The following TMEM232 variants were observed in gnomAD, a reference collection of about 807,000 sequenced individuals.
TMEM232 encodes transmembrane protein 232.
A neutral mutation model predicts 78.8 loss-of-function variants in TMEM232; 80 were observed. That is an observed-to-expected ratio of 1.01 (90% CI 0.85 to 1.22). TMEM232 has a LOEUF of 1.22. Among genes scored for constraint, TMEM232 ranks in the 50% most tolerant of loss-of-function variants. TMEM232 has a pLI of 0.00. For missense variants in TMEM232, 881 were observed against 742.2 expected, an observed-to-expected ratio of 1.19 and a Z score of -2.17; for synonymous variants, 297 against 254.3, an observed-to-expected ratio of 1.17 and a Z score of -1.60.
At chr5:110,489,842 T>C (rs1764836963) in intron 12 of TMEM232, among the ~76,000 whole-genome samples, 1 of 151,978 alleles carries the variant, frequency 6.6e-6, no homozygotes, top group African/African-American at 2.4e-5. Flanking sequence ...CTTAATTGTA[T>C]TGGCTGGGTT....
intron 1 of TMEM232, among the ~76,000 whole-genome samples, chr5:110,680,643 A>G (rs891366629): frequency 2.6e-5 from 4 of 152,134 alleles, no homozygotes; most frequent in Admixed American, 6.5e-5. Context: ...CTTCTCTAAA[A>G]AGAAGCTACA....
At chr5:110,422,601 T>C (rs1231826978) in intron 13 of TMEM232, among the ~76,000 whole-genome samples, 3 of 148,254 alleles carry the variant, frequency 2.0e-5, no homozygotes, top group Non-Finnish European at 4.5e-5. Context: ...CAAATTAAAA[T>C]TCTTGGTTTG....
Position 110,642,274 on chromosome 5 carries a change from T to C in TMEM232, c.223A>G (p.Ile75Val). 1 of 1,536,550 alleles carries C rather than the reference T, an allele frequency of 6.5e-7. No homozygotes were observed. Among genetic ancestry groups the C allele is most frequent in the Non-Finnish European group, 8.8e-7 (1 of 1,140,562 alleles). The change falls in exon 3 of 14, where the codon ATT becomes GTT. Residue 75 changes from isoleucine to valine, a missense_variant. Coordinates refer to ENST00000455884, the MANE Select transcript of TMEM232 (RefSeq NM_001039763.4). ...TATGCCATTACCTTACATCTGAGAATGATTTTTCTAGCTAGTTCCAACAAT... is the reference window on the plus strand; with the variant it reads ...TATGCCATTACCTTACATCTGAGAACGATTTTTCTAGCTAGTTCCAACAAT... The part of the protein sequence containing the change: ...EELLELARKI[I>V]LRCKRKLGLK...
At chr5:110,526,639 C>A (rs61234285) in intron 12 of TMEM232, among the ~76,000 whole-genome samples, 2 of 151,860 alleles carry the variant, frequency 1.3e-5, no homozygotes, top group African/African-American at 2.4e-5. Flanking sequence ...CTGAAAGGCA[C>A]TGGAAATATG....
chr5:110,587,489 A>G (rs547845685), intron 10 of TMEM232, among the ~76,000 whole-genome samples: 1 of 151,984 alleles, frequency 6.6e-6, no homozygotes, highest in South Asian at 2.1e-4. Context: ...TTTGTTGTGC[A>G]CAAACCTGAC....
intron 8 of TMEM232, among the ~76,000 whole-genome samples, chr5:110,615,665 T>C (rs1337553135): frequency 6.6e-6 from 1 of 151,910 alleles, no homozygotes; most frequent in Non-Finnish European, 1.5e-5. Flanking sequence ...AAAAAAGTCA[T>C]CTAAACAGGA....
Position 110,441,939 on chromosome 5 carries a change from T to C in TMEM232, c.1704-17023A>G, listed in dbSNP as rs138046262. On this transcript the variant is annotated intron_variant, in intron 12 of 13. Coordinates refer to ENST00000455884, the MANE Select transcript of TMEM232 (RefSeq NM_001039763.4). ...TTTTTCCTTTAGCACTTTAAACATG[T>C]CATGCCACTCTCTCCTGGCCTGTAA... 6.3e-3 allele frequency among the ~76,000 whole-genome samples: 964 copies of C among 152,206 alleles called. 17 individuals are homozygous for C. The highest frequency in any genetic ancestry group is 0.022 in the African/African-American group (895 of 41,542).
chr5:110,721,103 G>T (rs72773182), intron 1 of TMEM232, among the ~76,000 whole-genome samples: 1 of 151,806 alleles, frequency 6.6e-6, no homozygotes, highest in Non-Finnish European at 1.5e-5. Flanking sequence ...AGTTATTCCC[G>T]GTAAAGTTAT....
chr5:110,538,542 C>G (rs1054745418), intron 11 of TMEM232, among the ~76,000 whole-genome samples: 1 of 152,134 alleles, frequency 6.6e-6, no homozygotes, highest in African/African-American at 2.4e-5. Flanking sequence ...GAACAATGAG[C>G]ATTGGGCAAA....
In TMEM232 at chr5:110,618,247, C is replaced by T. The variant is rs776825222; in HGVS notation, c.902+182G>A. Among the ~76,000 whole-genome samples, 12 of 151,730 alleles carry T rather than the reference C, an allele frequency of 7.9e-5. 1 individual carries two copies. Among genetic ancestry groups the T allele is most frequent in the African/African-American group, 1.9e-4 (8 of 41,334 alleles). ...CTAGCAAAGCAGAAAAAGAGAGAAA[C>T]GATGTATTGATGAAATGAATTAATA... On this transcript the variant is annotated intron_variant, in intron 8 of 13. Coordinates refer to ENST00000455884, the MANE Select transcript of TMEM232 (RefSeq NM_001039763.4).
rs151253652 is a variant in TMEM232 at position 110,499,377 on chromosome 5, G to A, written c.1703+29211C>T. ...CCTGATCCTCACACCTGAACCTCACGAGTAGCAGGGACTACAGGCACATGC... is the reference window on the plus strand; with the variant it reads ...CCTGATCCTCACACCTGAACCTCACAAGTAGCAGGGACTACAGGCACATGC... On this transcript the variant is annotated intron_variant, in intron 12 of 13. Transcript: ENST00000455884. 3.3e-5 allele frequency among the ~76,000 whole-genome samples: 5 copies of A among 152,078 alleles called. No homozygotes were observed. The East Asian group carries it at 5.8e-4, about 18-fold the overall frequency.
At chr5:110,392,187 A>G (rs1388033777) in intron 3 of TMEM232, among the ~76,000 whole-genome samples, 2 of 152,184 alleles carry the variant, frequency 1.3e-5, no homozygotes, top group Non-Finnish European at 2.9e-5. Context: ...AATTTTGTCA[A>G]TTTGGTGCCT....
intron 8 of TMEM232, among the ~76,000 whole-genome samples, chr5:110,612,243 A>G (rs536800441): frequency 6.6e-6 from 1 of 152,300 alleles, no homozygotes; most frequent in East Asian, 1.9e-4. Flanking sequence ...AGACAAGACT[A>G]AAATTCATGT....
At chr5:110,394,503 C>T (rs1311449037) in intron 3 of TMEM232, among the ~76,000 whole-genome samples, 2 of 152,108 alleles carry the variant, frequency 1.3e-5, no homozygotes, top group African/African-American at 2.4e-5. Flanking sequence ...TTTTGAGGAA[C>T]TTCCAAGCTG....
intron 12 of TMEM232, among the ~76,000 whole-genome samples, chr5:110,456,196 G>T (rs770704515): frequency 1.4e-4 from 21 of 152,110 alleles, no homozygotes; most frequent in Non-Finnish European, 2.5e-4. Flanking sequence ...AGGTACATTA[G>T]AACTAGTGAG....
chr5:110,410,050 T>C (rs1331127330), intron 2 of TMEM232, among the ~76,000 whole-genome samples: 1 of 152,144 alleles, frequency 6.6e-6, no homozygotes, highest in African/African-American at 2.4e-5. Context: ...AGCTTCATCA[T>C]GGGTAGGGTA....
At chr5:110,524,279 A>G (rs796558702) in intron 12 of TMEM232, among the ~76,000 whole-genome samples, 7 of 149,588 alleles carry the variant, frequency 4.7e-5, no homozygotes, top group African/African-American at 1.7e-4. Flanking sequence ...AAAAAAAGGA[A>G]AAGAGAGAGA....
chr5:110,562,923 C>T (rs767865519), intron 11 of TMEM232, among the ~76,000 whole-genome samples: 1 of 151,704 alleles, frequency 6.6e-6, no homozygotes, highest in Non-Finnish European at 1.5e-5. Flanking sequence ...ATTAATAATC[C>T]AAATGTCTCT....
At chr5:110,545,847 A>C (rs1000643652) in intron 11 of TMEM232, among the ~76,000 whole-genome samples, 4 of 152,144 alleles carry the variant, frequency 2.6e-5, no homozygotes, top group Non-Finnish European at 4.4e-5. Context: ...GAAAACACTT[A>C]TACACGATGA....
Sources: gnomAD v4.1 joint callset for allele counts (sites outside exome capture counted in the v4.1 genomes callset) on GRCh38, gnomAD v4.1.1 for gene constraint, MANE v1.5 for transcripts, NCBI Gene and HGNC (gene_info 2026-07-23, HGNC 2026-07-21) for gene names.